Variants in ADAMTS18 observed in about 807,000 individuals in gnomAD.
ADAMTS18 encodes the protein ADAM metallopeptidase with thrombospondin type 1 motif 18, also known as A disintegrin and metalloproteinase with thrombospondin motifs 18.
ADAMTS18 carries 157 observed loss-of-function variants against 165.9 expected under a neutral mutation model. The observed-to-expected ratio is 0.95, with a 90% CI of 0.83 to 1.08. ADAMTS18 has a LOEUF of 1.08. Among genes scored for constraint, ADAMTS18 ranks in the 50% least tolerant of loss-of-function variants. The pLI, the probability that ADAMTS18 is intolerant of heterozygous loss-of-function variation, is 0.00. For missense variants in ADAMTS18, 2,040 were observed against 1,534.0 expected (o/e 1.33, Z -5.51); for synonymous variants, 782 against 578.2 (o/e 1.35, Z -5.06).
intron 16 of ADAMTS18, among the ~76,000 whole-genome samples, chr16:77,304,758 C>A (rs1181657457): frequency 6.6e-6 from 1 of 152,180 alleles, no homozygotes; most frequent in Non-Finnish European, 1.5e-5. Context: ...TAGGAACGTG[C>A]AGCTTTAAAT....
intron 12 of ADAMTS18, among the ~76,000 whole-genome samples, chr16:77,333,872 A>G (rs1198734932): frequency 9.4e-6 from 1 of 105,894 alleles, no homozygotes; most frequent in Non-Finnish European, 2.1e-5. Context: ...ACTATATTAT[A>G]TATAGTATAT....
intron 3 of ADAMTS18, among the ~76,000 whole-genome samples, chr16:77,404,338 G>A (rs113150432): frequency 5.9e-5 from 9 of 152,082 alleles, no homozygotes; most frequent in Non-Finnish European, 1.3e-4. Context: ...TACCTTTTCA[G>A]GGTCACAAAA....
At chr16:77,322,715 C>T (rs2056025409) in intron 13 of ADAMTS18, among the ~76,000 whole-genome samples, 1 of 152,100 alleles carries the variant, frequency 6.6e-6, no homozygotes, top group Admixed American at 6.5e-5. Flanking sequence ...GGATAGTCAC[C>T]ATACACATGA....
In ADAMTS18 at chr16:77,322,392, C is replaced by G; in HGVS notation, c.2107G>C (p.Asp703His). 1 of 1,614,036 alleles carries G rather than the reference C, an allele frequency of 6.2e-7. No individual in the cohort carries two copies. The highest frequency in any genetic ancestry group is 8.5e-7 in the Non-Finnish European group (1 of 1,179,966). Reference protein sequence around the residue: ...FFFAMSGKVKDGTPCSPNKND... With the variant: ...FFFAMSGKVKHGTPCSPNKND... ...TTGTTTGGGGAGCAGGGAGTTCCATCTTTCACTTTGCCGGACATTGCAAAA... is the reference window on the plus strand; with the variant it reads ...TTGTTTGGGGAGCAGGGAGTTCCATGTTTCACTTTGCCGGACATTGCAAAA... The change falls in exon 14 of 23, where the codon GAT becomes CAT. Residue 703 changes from aspartate (D) to histidine (H), a missense_variant. By Grantham distance (81) the Asp-to-His change is moderately conservative. Transcript: ENST00000282849.
At chr16:77,335,626 T>C (rs1357078585) in intron 12 of ADAMTS18, 130 bp downstream of exon 12, 12 of 1,140,892 alleles carry the variant, frequency 1.1e-5, no homozygotes, top group Admixed American at 8.7e-5. Context: ...CCCATAAATA[T>C]GTATAACCAT....
At position 77,326,054 on chromosome 16, in the gene ADAMTS18, A is replaced by C. The variant is rs531405338; in HGVS notation, c.1860-16T>G. On this transcript the variant is annotated splice_polypyrimidine_tract_variant and intron_variant, in intron 12 of 22. Transcript: ENST00000282849. ...ATACTGAGGCCTGAAAATGAAATTA[A>C]TGAACTTTAATGTTAGTAATCAAAG... The C allele has an allele frequency of 8.1e-6, 13 of 1,610,682 alleles. No individual in the cohort carries two copies. Among genetic ancestry groups the C allele is most frequent in the Non-Finnish European group, 1.0e-5 (12 of 1,177,208 alleles).
chr16:77,363,735 T>G lies in ADAMTS18; in HGVS notation c.1056+67A>C, dbSNP rs921586612. On this transcript the variant is annotated intron_variant, in intron 6 of 22. Coordinates refer to ENST00000282849, the MANE Select transcript of ADAMTS18 (RefSeq NM_199355.4). ...CTAGTACATGGATTAGTGAACACAGTAGGTGTTCAAGAAATGTATTCTGAA... is the reference window on the plus strand; with the variant it reads ...CTAGTACATGGATTAGTGAACACAGGAGGTGTTCAAGAAATGTATTCTGAA... 5 of 1,389,676 alleles carry G rather than the reference T, an allele frequency of 3.6e-6. No homozygotes were observed. In the African/African-American group the frequency reaches 4.3e-5, roughly 12 times the overall value. The allele number at this position is 1,389,676 out of a possible 1,614,324, so 86.1% of individuals were successfully genotyped here.
At chr16:77,425,966 A>C (rs1283505602) in intron 3 of ADAMTS18, among the ~76,000 whole-genome samples, 1 of 152,108 alleles carries the variant, frequency 6.6e-6, no homozygotes, top group Non-Finnish European at 1.5e-5. Context: ...GAATTGCTTG[A>C]ATCTGGGAGA....
chr16:77,373,252 A>G (rs1039250707), intron 3 of ADAMTS18, among the ~76,000 whole-genome samples: 3 of 152,062 alleles, frequency 2.0e-5, no homozygotes, highest in African/African-American at 7.2e-5. Context: ...GCACTTTGGG[A>G]GGCTGAGGTC....
At position 77,359,515 on chromosome 16, in the gene ADAMTS18, TTA is replaced by T. The variant is rs376550652; in HGVS notation, c.1217-94_1217-93del. 6.4e-3 allele frequency: 6,682 copies of T among 1,038,726 alleles called. 219 individuals are homozygous for T. The African/African-American group carries it at 0.1, about 16-fold the overall frequency. 64.3% of individuals were successfully genotyped at this position (1,038,726 alleles called of 1,614,324 possible). A position where few individuals can be genotyped will look rare whatever the true frequency, so the allele number is the denominator to read the frequency against. On this transcript the variant is annotated intron_variant, in intron 7 of 22. Transcript: ENST00000282849. ...TGTCCTCAAAATGTTCTACACAGTT[TTA>T]GTTTAATAGATCAATGCATTCAGTG... is the stretch of plus-strand genomic sequence containing the variant.
rs575413736 is a variant in ADAMTS18 at position 77,380,014 on chromosome 16, G to C, written c.496-12291C>G. On this transcript the variant is annotated intron_variant, in intron 3 of 22. Transcript: ENST00000282849. ...TGACTTTCTGAGTCATGCTGATAAC[G>C]GTAGACTAGAAAAAAGGTTCCAAAA... Among the ~76,000 whole-genome samples, 21 of 152,278 alleles carry C rather than the reference G, an allele frequency of 1.4e-4. No individual in the cohort carries two copies. The South Asian group carries it at 4.4e-3, about 32-fold the overall frequency.
chr16:77,427,916 T>C (rs2057693632), intron 3 of ADAMTS18, among the ~76,000 whole-genome samples: 1 of 152,250 alleles, frequency 6.6e-6, no homozygotes, highest in Non-Finnish European at 1.5e-5. Context: ...TCTGCTTATA[T>C]GTATGTACGT....
chr16:77,414,740 C>CAGTGT (rs2057508000), intron 3 of ADAMTS18, among the ~76,000 whole-genome samples: 2 of 152,276 alleles, frequency 1.3e-5, no homozygotes, highest in South Asian at 4.1e-4. Flanking sequence ...TTCAAATAAA[C>CAGTGT]ATCTTCAAAG....
intron 20 of ADAMTS18, 114 bp downstream of exon 20, chr16:77,292,962 G>A (rs2055392639): frequency 7.6e-7 from 1 of 1,319,906 alleles, no homozygotes; most frequent in Non-Finnish European, 1.1e-6. Context: ...TCAGACTACA[G>A]GCGCCTGCCA....
At chr16:77,424,160 GGTC>G (rs2057640760) in intron 3 of ADAMTS18, among the ~76,000 whole-genome samples, 3 of 151,784 alleles carry the variant, frequency 2.0e-5, no homozygotes, top group Non-Finnish European at 4.4e-5. Flanking sequence ...ATGCCTTAGT[GGTC>G]ATACCCGAAA....
At chr16:77,393,128 C>A (rs2057211442) in intron 3 of ADAMTS18, among the ~76,000 whole-genome samples, 1 of 152,304 alleles carries the variant, frequency 6.6e-6, no homozygotes, top group African/African-American at 2.4e-5. Context: ...TACCCAGGGA[C>A]CATCTGGTCA....
intron 10 of ADAMTS18, among the ~76,000 whole-genome samples, chr16:77,351,369 A>T (rs1479166135): frequency 6.6e-6 from 1 of 152,174 alleles, no homozygotes; most frequent in Admixed American, 6.5e-5. Context: ...GACCATCAGA[A>T]TGAGAAGCTG....
intron 3 of ADAMTS18, among the ~76,000 whole-genome samples, chr16:77,418,469 C>G (rs983101821): frequency 2.6e-5 from 4 of 152,064 alleles, no homozygotes; most frequent in African/African-American, 9.7e-5. Flanking sequence ...GGTAGAGAGG[C>G]CTGGAATGCT....
intron 3 of ADAMTS18, among the ~76,000 whole-genome samples, chr16:77,397,679 G>C (rs2057276022): frequency 6.6e-6 from 1 of 152,226 alleles, no homozygotes; most frequent in Non-Finnish European, 1.5e-5. Flanking sequence ...CAAACTGGTA[G>C]CAGACATGTG....
Sources: allele counts gnomAD v4.1 joint callset (sites outside exome capture counted in the v4.1 genomes callset), GRCh38; gene constraint gnomAD v4.1.1; transcripts MANE v1.5; gene names NCBI Gene and HGNC (gene_info 2026-07-23, HGNC 2026-07-21).